L3MBTL4: variants seen among roughly 807,000 people sequenced by gnomAD.
L3MBTL4 encodes L3MBTL histone methyl-lysine binding protein 4.
Under a neutral mutation model 84.5 loss-of-function variants are expected in L3MBTL4, and 70 were observed. The ratio of observed to expected loss-of-function variants is 0.83; its 90% CI spans 0.68 to 1.01. L3MBTL4 has a LOEUF of 1.01. L3MBTL4 is among the 50% of genes least tolerant of loss of function. L3MBTL4 has a pLI of 0.00. For missense variants in L3MBTL4, 715 were observed against 754.8 expected (o/e 0.95, Z 0.62); for synonymous variants, 274 against 259.8 (o/e 1.05, Z -0.52).
rs111435701 is a variant in L3MBTL4 at position 6,060,977 on chromosome 18, G to A, written c.1444+19904C>T. ...AAGCTGCTGTAAACATTCATGTGGA[G>A]GTTTTTGTACAAATATAAGTTTTAA... On this transcript the variant is annotated intron_variant, in intron 16 of 18. Transcript: ENST00000317931. Among the ~76,000 whole-genome samples the A allele has an allele frequency of 3.3e-3, 502 of 152,238 alleles. 5 individuals are homozygous for A. The highest frequency in any genetic ancestry group is 0.012 in the African/African-American group (493 of 41,566).
At chr18:6,050,736 G>C in intron 16 of L3MBTL4, among the ~76,000 whole-genome samples, 1 of 152,148 alleles carries the variant, frequency 6.6e-6, no homozygotes, top group East Asian at 1.9e-4. Flanking sequence ...TAGGGAAATA[G>C]CATGGGTCTG....
At position 6,284,446 on chromosome 18, in the gene L3MBTL4, G is replaced by T. The variant is rs557987937; in HGVS notation, c.127+17457C>A. On this transcript the variant is annotated intron_variant, in intron 4 of 18. Transcript: ENST00000317931. ...TGGGAAAGTCGAAGCCAAAGACGAGGCCAAGCAAAAGGGCCGGGAGGAGGA... is the reference window on the plus strand; with the variant it reads ...TGGGAAAGTCGAAGCCAAAGACGAGTCCAAGCAAAAGGGCCGGGAGGAGGA... Among the ~76,000 whole-genome samples the T allele has an allele frequency of 2.0e-5, 3 of 152,288 alleles. No homozygotes were observed. The South Asian group carries it at 6.2e-4, about 32-fold the overall frequency.
chr18:6,223,058 A>C (rs974268698), intron 10 of L3MBTL4, among the ~76,000 whole-genome samples: 1 of 151,800 alleles, frequency 6.6e-6, no homozygotes, highest in African/African-American at 2.4e-5. Flanking sequence ...AAATATTTCT[A>C]TGTGTTCATG....
chr18:6,152,486 T>G (rs2042938997), intron 13 of L3MBTL4, among the ~76,000 whole-genome samples: 2 of 152,230 alleles, frequency 1.3e-5, no homozygotes, highest in African/African-American at 4.8e-5. Context: ...TGACAATTAG[T>G]GATGCTGAGC....
chr18:6,032,298 A>AG, intron 16 of L3MBTL4: 2 of 983,848 alleles, frequency 2.0e-6, no homozygotes, highest in Non-Finnish European at 2.4e-6. Context: ...AAAAAAAAAA[A>AG]AGAACTAACA....
At chr18:6,401,904 G>T (rs1196129085) in intron 1 of L3MBTL4, among the ~76,000 whole-genome samples, 1 of 152,244 alleles carries the variant, frequency 6.6e-6, no homozygotes, top group Non-Finnish European at 1.5e-5. Flanking sequence ...GCGCCATCAA[G>T]GGGCCGCTGT....
chr18:6,053,103 C>G (rs2056893390), intron 16 of L3MBTL4, among the ~76,000 whole-genome samples: 2 of 152,178 alleles, frequency 1.3e-5, no homozygotes, highest in Admixed American at 6.5e-5. Context: ...TCATGCATTT[C>G]CAGCTAGTGT....
At chr18:6,246,111 C>G (rs1026046468) in intron 5 of L3MBTL4, among the ~76,000 whole-genome samples, 4 of 151,928 alleles carry the variant, frequency 2.6e-5, no homozygotes, top group Non-Finnish European at 4.4e-5. Flanking sequence ...ATTTCTGACC[C>G]CTCTCTTATG....
intron 16 of L3MBTL4, among the ~76,000 whole-genome samples, chr18:6,054,586 G>A (rs2056949805): frequency 1.3e-5 from 2 of 152,056 alleles, no homozygotes; most frequent in African/African-American, 4.8e-5. Flanking sequence ...TTTGGATCTG[G>A]GCCATGTCAC....
At chr18:5,978,701 A>C (rs886377159) in intron 16 of L3MBTL4, among the ~76,000 whole-genome samples, 1 of 152,228 alleles carries the variant, frequency 6.6e-6, no homozygotes, top group Non-Finnish European at 1.5e-5. Context: ...AGTAGGACAC[A>C]AAATAAGCCA....
chr18:5,977,490 C>T (rs963992864), intron 16 of L3MBTL4, among the ~76,000 whole-genome samples: 1 of 152,198 alleles, frequency 6.6e-6, no homozygotes, highest in Non-Finnish European at 1.5e-5. Flanking sequence ...TGCCTTGCTG[C>T]CCCAATGCAG....
chr18:6,323,779 T>C (rs912168218), intron 1 of L3MBTL4, among the ~76,000 whole-genome samples: 6 of 152,144 alleles, frequency 3.9e-5, no homozygotes, highest in African/African-American at 1.4e-4. Context: ...CCTGGCCATG[T>C]GGTAGAAAAG....
chr18:6,380,022 G>A (rs909794568), intron 1 of L3MBTL4, among the ~76,000 whole-genome samples: 3 of 152,022 alleles, frequency 2.0e-5, no homozygotes, highest in Non-Finnish European at 4.4e-5. Flanking sequence ...TTAGGGATTC[G>A]ACTTCTTCCT....
In L3MBTL4 at chr18:6,366,093, C is replaced by T. The variant is rs138134890; in HGVS notation, c.-91+48708G>A. Among the ~76,000 whole-genome samples the T allele has an allele frequency of 2.7e-3, 411 of 152,284 alleles. 3 individuals are homozygous for T. Among genetic ancestry groups the T allele is most frequent in the African/African-American group, 9.5e-3 (394 of 41,546 alleles). On this transcript the variant is annotated intron_variant, in intron 1 of 18. Transcript: ENST00000317931. ...TAGATTAAGGAAAGAAACTTCCAAC[C>T]TTTTATTTAATTCTATAGTCTTTTC...
Position 6,311,563 on chromosome 18 carries a change from G to A in L3MBTL4, c.63C>T (p.Asp21=), listed in dbSNP as rs759827055. The A allele has an allele frequency of 3.0e-5, 49 of 1,612,754 alleles. No homozygotes were observed. Among genetic ancestry groups the A allele is most frequent in the Admixed American group, 2.0e-4 (12 of 59,970 alleles). The change falls in exon 3 of 19, where the codon GAC becomes GAT. Residue 21 remains aspartate (D), a synonymous_variant. Transcript: ENST00000317931. The part of the protein sequence containing the change: ...NMDSKERLDQ[D]GRLEQAEEEK... ...GGGATGGACATCTTACCAAGCGTCC[G>A]TCCTGATCCAAACGCTCTTTGGAAT...
At chr18:5,970,405 G>A (rs187774122) in intron 16 of L3MBTL4, among the ~76,000 whole-genome samples, 6 of 151,872 alleles carry the variant, frequency 4.0e-5, no homozygotes, top group Admixed American at 1.3e-4. Context: ...TTCTGTGCTG[G>A]TTTCCTGTCT....
intron 5 of L3MBTL4, among the ~76,000 whole-genome samples, chr18:6,262,674 G>A (rs2146365494): frequency 6.6e-6 from 1 of 152,294 alleles, no homozygotes; most frequent in East Asian, 1.9e-4. Context: ...CACAAAAGTA[G>A]ATGGTGCAAA....
intron 10 of L3MBTL4, among the ~76,000 whole-genome samples, chr18:6,234,075 C>T (rs1401607801): frequency 6.6e-6 from 1 of 152,116 alleles, no homozygotes; most frequent in Non-Finnish European, 1.5e-5. Context: ...GAAAGGATTC[C>T]CATTTAATAA....
intron 16 of L3MBTL4, among the ~76,000 whole-genome samples, chr18:6,058,933 AG>A (rs1598596483): frequency 6.6e-6 from 1 of 152,340 alleles, no homozygotes; most frequent in East Asian, 1.9e-4. Flanking sequence ...AATACTGTGC[AG>A]TGTTGGAACA....
Sources: gnomAD v4.1 joint callset for allele counts (sites outside exome capture counted in the v4.1 genomes callset) on GRCh38, gnomAD v4.1.1 for gene constraint, MANE v1.5 for transcripts, NCBI Gene and HGNC (gene_info 2026-07-23, HGNC 2026-07-21) for gene names.